Variants in SYNRG observed in about 807,000 individuals in gnomAD.
SYNRG encodes the protein AP1 gamma subunit binding protein 1.
A neutral mutation model predicts 130.9 loss-of-function variants in SYNRG; 37 were observed. The ratio of observed to expected loss-of-function variants is 0.28; its 90% CI spans 0.22 to 0.37. SYNRG has a LOEUF of 0.37. Ranked by LOEUF, SYNRG falls within the 10% of genes least tolerant of loss-of-function variation. SYNRG has a pLI of 1.00. For missense variants in SYNRG, 1,338 were observed against 1,588.9 expected (o/e 0.84, Z 2.68); for synonymous variants, 539 against 568.1 (o/e 0.95, Z 0.73).
chr17:37,570,669 T>C lies in SYNRG; in HGVS notation c.1315A>G (p.Ser439Gly), dbSNP rs758273899. The C allele has an allele frequency of 1.9e-6, 3 of 1,614,022 alleles. No individual in the cohort carries two copies. The highest frequency in any genetic ancestry group is 2.2e-5 in the South Asian group (2 of 91,078). Reference sequence around the variant, plus strand: ...GCAGGGTAGGTTGGTATGAAACCACTAGAAGCCTGGGCTGCAGCTCCACCC... The same window carrying C: ...GCAGGGTAGGTTGGTATGAAACCACCAGAAGCCTGGGCTGCAGCTCCACCC... ...PVGGAAAQAS[S>G]GFIPTYPANQ... The change falls in exon 10 of 22, where the codon AGT (serine) becomes GGT (glycine). Residue 439 changes from serine to glycine, a missense_variant. Ser to Gly is a moderately conservative substitution (Grantham distance 56). Transcript: ENST00000612223.
At chr17:37,594,519 G>C (rs1036355875) in intron 3 of SYNRG, among the ~76,000 whole-genome samples, 2 of 146,776 alleles carry the variant, frequency 1.4e-5, no homozygotes, top group South Asian at 4.3e-4. Context: ...CGGGAGTGCA[G>C]TGGCGCAATC....
At chr17:37,595,276 C>T (rs1395516934) in intron 3 of SYNRG, among the ~76,000 whole-genome samples, 3 of 152,154 alleles carry the variant, frequency 2.0e-5, no homozygotes, top group Admixed American at 6.5e-5. Flanking sequence ...GTCATGAAGT[C>T]CTAATATCAC....
chr17:37,554,546 G>A (rs1276212279), intron 13 of SYNRG, among the ~76,000 whole-genome samples: 2 of 152,212 alleles, frequency 1.3e-5, no homozygotes, highest in Non-Finnish European at 2.9e-5. Flanking sequence ...TATTCAGGAT[G>A]TACAACACTT....
intron 1 of SYNRG, among the ~76,000 whole-genome samples, chr17:37,604,590 C>T (rs919780029): frequency 3.9e-5 from 6 of 152,170 alleles, no homozygotes; most frequent in African/African-American, 1.4e-4. Context: ...AGCTGTTTTA[C>T]TTTCTTAACA....
chr17:37,570,691 A>G lies in SYNRG; in HGVS notation c.1293T>C (p.Gly431=), dbSNP rs1474543875. The change falls in exon 10 of 22, where the codon GGT becomes GGC. Residue 431 remains glycine (G), a synonymous_variant. Transcript: ENST00000612223. ...VMGINLVGPV[G]GAAAQASSGF... ...CACTAGAAGCCTGGGCTGCAGCTCCACCCACTGGTCCAACAAGGTTAATGC... is the reference window on the plus strand; with the variant it reads ...CACTAGAAGCCTGGGCTGCAGCTCCGCCCACTGGTCCAACAAGGTTAATGC... The G allele has an allele frequency of 6.2e-7, 1 of 1,614,170 alleles. No homozygotes were observed. The highest frequency in any genetic ancestry group is 1.7e-5 in the Admixed American group (1 of 60,022).
chr17:37,546,508 C>T (rs1254821653), intron 14 of SYNRG, among the ~76,000 whole-genome samples: 1 of 152,186 alleles, frequency 6.6e-6, no homozygotes, highest in South Asian at 2.1e-4. Flanking sequence ...CAAATCAAAA[C>T]ACATATTTCT....
intron 10 of SYNRG, among the ~76,000 whole-genome samples, chr17:37,570,212 C>T (rs1057392215): frequency 2.2e-5 from 3 of 134,362 alleles, no homozygotes; most frequent in South Asian, 2.4e-4. Context: ...ATGGTGTGAT[C>T]GTAATCATAG....
At chr17:37,527,837 C>T (rs1373780290) in intron 19 of SYNRG, among the ~76,000 whole-genome samples, 2 of 152,092 alleles carry the variant, frequency 1.3e-5, no homozygotes, top group South Asian at 2.1e-4. Flanking sequence ...AGGGGAATGA[C>T]TGTGTCATTT....
At chr17:37,558,884 CA>C (rs1217573483) in intron 13 of SYNRG, among the ~76,000 whole-genome samples, 1 of 152,168 alleles carries the variant, frequency 6.6e-6, no homozygotes, top group Non-Finnish European at 1.5e-5. Context: ...CCCTTTCCTT[CA>C]CAGAGCTCTC....
At chr17:37,600,003 A>G (rs942822352) in intron 2 of SYNRG, among the ~76,000 whole-genome samples, 3 of 152,228 alleles carry the variant, frequency 2.0e-5, no homozygotes, top group African/African-American at 7.2e-5. Flanking sequence ...ACAATCTAGC[A>G]GAAGACTAGA....
At chr17:37,560,148 C>T (rs2059418209) in intron 13 of SYNRG, among the ~76,000 whole-genome samples, 1 of 151,710 alleles carries the variant, frequency 6.6e-6, no homozygotes, top group Non-Finnish European at 1.5e-5. Flanking sequence ...TGGGCTCAAG[C>T]CATCCTCCCA....
At chr17:37,558,113 T>C (rs2059253218) in intron 13 of SYNRG, among the ~76,000 whole-genome samples, 1 of 152,214 alleles carries the variant, frequency 6.6e-6, no homozygotes, top group South Asian at 2.1e-4. Context: ...CCACTGTGTA[T>C]CTGATACAGG....
intron 3 of SYNRG, among the ~76,000 whole-genome samples, chr17:37,589,688 G>T (rs2061988878): frequency 6.6e-6 from 1 of 151,858 alleles, no homozygotes; most frequent in Non-Finnish European, 1.5e-5. Context: ...GGCAGAGCAT[G>T]CAGTGAGCCA....
chr17:37,548,578 G>A (rs1226667925), intron 14 of SYNRG, among the ~76,000 whole-genome samples: 1 of 152,132 alleles, frequency 6.6e-6, no homozygotes, highest in African/African-American at 2.4e-5. Context: ...ACTACTTTGG[G>A]AGGCCGAGGC....
chr17:37,538,898 C>T, intron 17 of SYNRG: 1 of 527,978 alleles, frequency 1.9e-6, no homozygotes, highest in Non-Finnish European at 2.4e-6. Flanking sequence ...CCAGCCAAGA[C>T]AGGTTCTTTA....
chr17:37,552,086 T>C (rs988736148), intron 14 of SYNRG, among the ~76,000 whole-genome samples: 4 of 152,190 alleles, frequency 2.6e-5, no homozygotes, highest in African/African-American at 9.7e-5. Context: ...ACTTGCCAAT[T>C]TGACATATGC....
chr17:37,538,710 TCA>T (rs2057443634), intron 17 of SYNRG, among the ~76,000 whole-genome samples: 1 of 152,234 alleles, frequency 6.6e-6, no homozygotes, highest in African/African-American at 2.4e-5. Flanking sequence ...TTCTCCTGCC[TCA>T]GTTTCCTGAG....
At chr17:37,537,176 GACTA>G (rs1235404990) in intron 18 of SYNRG, 1 of 152,332 alleles carries the variant, frequency 6.6e-6, no homozygotes, top group Non-Finnish European at 1.5e-5. Context: ...GTAAGGCAGA[GACTA>G]CATCCCTTCA....
Position 37,518,982 on chromosome 17 carries a change from G to C in SYNRG, c.3903C>G (p.Val1301=), listed in dbSNP as rs768592002. ...GGACGAGGCCAGGAGGCTTTGGTTC[G>C]ACACAGTTGATCCAGAAGTTGGCAC... ...ASCANFWINC[V]EPKPPGLVLP... The change falls in exon 22 of 22, where the codon GTC becomes GTG. Residue 1301 remains valine, a synonymous_variant. Coordinates refer to ENST00000612223, the MANE Select transcript of SYNRG (RefSeq NM_007247.6). 6.2e-7 allele frequency: 1 copy of C among 1,614,180 alleles called. No homozygotes were observed. The highest frequency in any genetic ancestry group is 2.2e-5 in the East Asian group (1 of 44,884).
Sources: gnomAD v4.1 joint callset for allele counts (sites outside exome capture counted in the v4.1 genomes callset) on GRCh38, gnomAD v4.1.1 for gene constraint, MANE v1.5 for transcripts, NCBI Gene and HGNC (gene_info 2026-07-23, HGNC 2026-07-21) for gene names.